ATP5PF: variants seen among roughly 807,000 people sequenced by gnomAD.
The protein encoded by ATP5PF is ATP synthase peripheral stalk subunit F6.
In ATP5PF, 7 loss-of-function variants were observed where a neutral mutation model predicts 12.0. The observed-to-expected ratio is 0.58, with a 90% CI of 0.33 to 1.10. The LOEUF (loss-of-function observed/expected upper bound fraction) is 1.10. Among genes scored for constraint, ATP5PF ranks in the 50% least tolerant of loss-of-function variants. The pLI is 0.03. For synonymous variants in ATP5PF, 41 were observed against 45.4 expected, an observed-to-expected ratio of 0.90 and a Z score of 0.39; for missense variants, 120 against 127.7, an observed-to-expected ratio of 0.94 and a Z score of 0.29.
intron 3 of ATP5PF, chr21:25,724,915 C>T (rs1260271984): frequency 1.9e-5 from 11 of 585,786 alleles, no homozygotes; most frequent in African/African-American, 3.8e-5. Context: ...TACTATAATT[C>T]TCCCCAAATG....
intron 1 of ATP5PF, among the ~76,000 whole-genome samples, chr21:25,731,037 T>G (rs1211394579): frequency 6.6e-6 from 1 of 151,750 alleles, no homozygotes; most frequent in Non-Finnish European, 1.5e-5. Flanking sequence ...AGGTCAGAGG[T>G]TCGAGACCAG....
rs2034954076 is a variant in ATP5PF, at chr21:25,734,783, C to T, written c.-8+70G>A. ...CTCCTAGTAAAGGTGAGAGGCAGCCCAGGCCTCGTGAAAAAACCCAGAACT... is the reference window on the plus strand; with the variant it reads ...CTCCTAGTAAAGGTGAGAGGCAGCCTAGGCCTCGTGAAAAAACCCAGAACT... On this transcript the variant is annotated intron_variant, in intron 1 of 3. Coordinates refer to ENST00000284971, the MANE Select transcript of ATP5PF (RefSeq NM_001003703.2). 5 of 1,444,378 alleles carry T rather than the reference C, an allele frequency of 3.5e-6. No individual in the cohort carries two copies. In the Admixed American group the frequency reaches 1.0e-4, roughly 30 times the overall value. The allele number at this position is 1,444,378 out of a possible 1,614,324, so 89.5% of individuals were successfully genotyped here.
In ATP5PF at chr21:25,734,894, A is replaced by G; in HGVS notation, c.-49T>C. ...AGCTGCCAAAGCCTCCGCCGCCACC[A>G]CCTCCGCTCTACTTCCGGCCCTGGC... On this transcript the variant is annotated 5_prime_UTR_variant, in exon 1 of 4. Coordinates refer to ENST00000284971, the MANE Select transcript of ATP5PF (RefSeq NM_001003703.2). The G allele has an allele frequency of 3.9e-6, 6 of 1,555,654 alleles. No homozygotes were observed. Among genetic ancestry groups the G allele is most frequent in the Non-Finnish European group, 4.3e-6 (5 of 1,153,726 alleles).
intron 2 of ATP5PF, among the ~76,000 whole-genome samples, chr21:25,728,537 T>C (rs908523752): frequency 6.6e-6 from 1 of 152,194 alleles, no homozygotes; most frequent in Non-Finnish European, 1.5e-5. Flanking sequence ...CATACACTGA[T>C]CTTTAAAACC....
At chr21:25,734,538 G>A in intron 1 of ATP5PF, 1 of 484,774 alleles carries the variant, frequency 2.1e-6, no homozygotes, top group Non-Finnish European at 2.9e-6. Flanking sequence ...AGGCCTGGCC[G>A]AAAATCTCTC....
At chr21:25,725,953 C>A (rs1369296344) in intron 2 of ATP5PF, among the ~76,000 whole-genome samples, 4 of 152,152 alleles carry the variant, frequency 2.6e-5, no homozygotes, top group Non-Finnish European at 5.9e-5. Context: ...AAAGGTGTAT[C>A]GTTAAGTCTA....
chr21:25,726,216 A>G (rs1030088576), intron 2 of ATP5PF, among the ~76,000 whole-genome samples: 2 of 152,252 alleles, frequency 1.3e-5, no homozygotes, highest in East Asian at 3.8e-4. Context: ...TAAAGACCTT[A>G]GACTTTTAAG....
chr21:25,730,678 G>A (rs976805128), intron 1 of ATP5PF, among the ~76,000 whole-genome samples: 1 of 133,330 alleles, frequency 7.5e-6, no homozygotes, highest in African/African-American at 2.8e-5. Flanking sequence ...AGGATGCAGT[G>A]AGCCGAGATT....
chr21:25,726,471 C>G (rs1346160094), intron 2 of ATP5PF, among the ~76,000 whole-genome samples: 1 of 152,048 alleles, frequency 6.6e-6, no homozygotes, highest in Non-Finnish European at 1.5e-5. Flanking sequence ...CATCTGGGGC[C>G]AGGGTTTATT....
chr21:25,731,024 T>C (rs1237181625), intron 1 of ATP5PF, among the ~76,000 whole-genome samples: 1 of 151,994 alleles, frequency 6.6e-6, no homozygotes, highest in Non-Finnish European at 1.5e-5. Context: ...GGTGGATCAC[T>C]TGAGGTCAGA....
intron 1 of ATP5PF, among the ~76,000 whole-genome samples, chr21:25,732,077 C>G (rs1409655245): frequency 1.3e-5 from 2 of 152,038 alleles, no homozygotes; most frequent in African/African-American, 4.8e-5. Flanking sequence ...AGCTAGAAAA[C>G]TGTAGAGTCG....
chr21:25,725,171 T>C (rs1474664499), intron 3 of ATP5PF, 55 bp downstream of exon 3: 22 of 1,560,894 alleles, frequency 1.4e-5, no homozygotes, highest in Middle Eastern at 1.7e-4. Flanking sequence ...CAGGTAAGTG[T>C]AAATATTCTT....
intron 1 of ATP5PF, among the ~76,000 whole-genome samples, chr21:25,733,776 C>T (rs1233276587): frequency 6.6e-6 from 1 of 152,206 alleles, no homozygotes; most frequent in Non-Finnish European, 1.5e-5. Flanking sequence ...CCCTGCTTTA[C>T]AGATGATAAA....
At chr21:25,734,816 C>G in intron 1 of ATP5PF, 37 bp downstream of exon 1, 1 of 1,523,258 alleles carries the variant, frequency 6.6e-7, no homozygotes, top group South Asian at 1.2e-5. Flanking sequence ...ACTGGAGTCC[C>G]AAAAGGCCAC....
chr21:25,727,653 A>G (rs184112115), intron 2 of ATP5PF, among the ~76,000 whole-genome samples: 3 of 152,304 alleles, frequency 2.0e-5, no homozygotes, highest in Non-Finnish European at 4.4e-5. Flanking sequence ...GACTCCTTAG[A>G]TATAGGGTAC....
chr21:25,725,099 G>A (rs1209417132), intron 3 of ATP5PF, 127 bp downstream of exon 3: 14 of 1,280,126 alleles, frequency 1.1e-5, no homozygotes, highest in Non-Finnish European at 1.4e-5. Flanking sequence ...CAGCTTCTCA[G>A]GCACACGTCA....
chr21:25,728,837 T>C (rs945086116), intron 2 of ATP5PF, among the ~76,000 whole-genome samples: 14 of 151,192 alleles, frequency 9.3e-5, no homozygotes, highest in Admixed American at 2.6e-4. Flanking sequence ...CCTTATATTG[T>C]ATTTATTTGC....
At chr21:25,728,320 C>G (rs908372487) in intron 2 of ATP5PF, among the ~76,000 whole-genome samples, 3 of 152,192 alleles carry the variant, frequency 2.0e-5, no homozygotes, top group Non-Finnish European at 2.9e-5. Context: ...AGTCTACAAT[C>G]AAGGCCTTCC....
At position 25,725,387 on chromosome 21, in the gene ATP5PF, G is replaced by A. The variant is rs185034864; in HGVS notation, c.165-37C>T. ...ATGAGCAAACAAAAATTAATTTTGT[G>A]TACTAGCTTACAAAAACAAAATTAC... On this transcript the variant is annotated intron_variant, in intron 2 of 3. Transcript: ENST00000284971. 5.2e-6 allele frequency: 8 copies of A among 1,527,504 alleles called. No homozygotes were observed. In the African/African-American group the frequency reaches 8.4e-5, roughly 16 times the overall value. The allele number at this position is 1,527,504 out of a possible 1,614,324, so 94.6% of individuals were successfully genotyped here.
Sources: gnomAD v4.1 joint callset for allele counts (sites outside exome capture counted in the v4.1 genomes callset) on GRCh38, gnomAD v4.1.1 for gene constraint, MANE v1.5 for transcripts, NCBI Gene and HGNC (gene_info 2026-07-23, HGNC 2026-07-21) for gene names.